The following BCL2L13 variants were observed in gnomAD, a reference collection of about 807,000 sequenced individuals.
The protein encoded by BCL2L13 is BCL2 like 13, also known as bcl-2-like protein 13.
BCL2L13 carries 13 observed loss-of-function variants against 25.8 expected under a neutral mutation model. That is an observed-to-expected ratio of 0.50 (90% CI 0.33 to 0.80). The LOEUF is 0.80. Ranked by LOEUF, BCL2L13 falls within the 30% of genes least tolerant of loss-of-function variation. The pLI, the probability that BCL2L13 is intolerant of heterozygous loss-of-function variation, is 0.02. For synonymous variants in BCL2L13, 244 were observed against 230.3 expected, an observed-to-expected ratio of 1.06 and a Z score of -0.54; for missense variants, 504 against 574.9, an observed-to-expected ratio of 0.88 and a Z score of 1.26.
intron 1 of BCL2L13, among the ~76,000 whole-genome samples, chr22:17,652,363 T>G (rs112476200): frequency 5.9e-5 from 9 of 152,300 alleles, no homozygotes; most frequent in African/African-American, 2.2e-4. Context: ...TTAAGTGTGC[T>G]TAAAACACAT....
chr22:17,647,793 A>G (rs2058544509), intron 1 of BCL2L13, among the ~76,000 whole-genome samples: 1 of 152,202 alleles, frequency 6.6e-6, no homozygotes, highest in Admixed American at 6.5e-5. Flanking sequence ...CTTTAGAAAC[A>G]GATGTCACGA....
intron 6 of BCL2L13, among the ~76,000 whole-genome samples, chr22:17,725,161 T>A (rs2535686): frequency 1.3e-5 from 2 of 152,100 alleles, no homozygotes; most frequent in African/African-American, 4.8e-5. Context: ...CTCCATTCTG[T>A]CTCTGCCATC....
At chr22:17,712,419 G>A (rs1245547297) in intron 6 of BCL2L13, among the ~76,000 whole-genome samples, 1 of 152,168 alleles carries the variant, frequency 6.6e-6, no homozygotes, top group South Asian at 2.1e-4. Flanking sequence ...TTTTGAAAGA[G>A]CAAATAAATA....
In BCL2L13 at chr22:17,726,909, A is replaced by G. The variant is rs904495749; in HGVS notation, c.833A>G (p.Gln278Arg). 6.2e-7 allele frequency: 1 copy of G among 1,614,208 alleles called. No homozygotes were observed. Among genetic ancestry groups the G allele is most frequent in the Non-Finnish European group, 8.5e-7 (1 of 1,180,034 alleles). The part of the protein sequence containing the change: ...PVSLGPESWQ[Q>R]IAMDPEEVKS... ...TCACTAGGCCCTGAGTCCTGGCAGCAGATTGCAATGGATCCTGAAGAAGTG... is the reference window on the plus strand; with the variant it reads ...TCACTAGGCCCTGAGTCCTGGCAGCGGATTGCAATGGATCCTGAAGAAGTG... Residue 278 changes from glutamine to arginine, a missense_variant, in exon 7 of 7, where the codon CAG (glutamine) becomes CGG (arginine). Gln to Arg is a conservative substitution (Grantham distance 43, BLOSUM62 1). Transcript: ENST00000317582.
rs186488412 is a variant in BCL2L13 at position 17,723,983 on chromosome 22, G to C, written c.601-2694G>C. On this transcript the variant is annotated intron_variant, in intron 6 of 6. Transcript: ENST00000317582. ...ACAAACTATACCTCATTTTAAAAAT[G>C]AACTCAAGTCCAGGTGTGGTGGCTC... Among the ~76,000 whole-genome samples, 170 of 151,870 alleles carry C rather than the reference G, an allele frequency of 1.1e-3. 1 individual carries two copies. The highest frequency in any genetic ancestry group is 6.9e-3 in the South Asian group (33 of 4,808).
chr22:17,637,406 CA>C (rs561992615), upstream of BCL2L13, among the ~76,000 whole-genome samples: 800 of 98,014 alleles, frequency 8.2e-3, 1 homozygote, highest in African/African-American at 0.016. Flanking sequence ...GACTCTGCCT[CA>C]AAAAAAAAAA....
In BCL2L13 at chr22:17,669,150, A is replaced by G. The variant is rs536838137; in HGVS notation, c.121+13318A>G. 3.4e-5 allele frequency among the ~76,000 whole-genome samples: 5 copies of G among 148,508 alleles called. No homozygotes were observed. In the South Asian group the frequency reaches 1.1e-3, roughly 31 times the overall value. ...CAGGTTCACGCCTTTCTCCTGCCTC[A>G]GCCTCCTGAGTAGCTGGGACTACAG... On this transcript the variant is annotated intron_variant, in intron 2 of 6. Coordinates refer to ENST00000317582, the MANE Select transcript of BCL2L13 (RefSeq NM_015367.4).
At position 17,712,838 on chromosome 22, in the gene BCL2L13, G is replaced by A. The variant is rs112747593; in HGVS notation, c.600+10452G>A. Among the ~76,000 whole-genome samples the A allele has an allele frequency of 4.2e-3, 642 of 152,238 alleles. 7 individuals carry two copies. Among genetic ancestry groups the A allele is most frequent in the African/African-American group, 0.015 (616 of 41,538 alleles). ...GCTATTTTAATTCATGTTGCCTACTGTCATTCTTTGTTATGGTGACTTACC... is the reference window on the plus strand; with the variant it reads ...GCTATTTTAATTCATGTTGCCTACTATCATTCTTTGTTATGGTGACTTACC... On this transcript the variant is annotated intron_variant, in intron 6 of 6. Coordinates refer to ENST00000317582, the MANE Select transcript of BCL2L13 (RefSeq NM_015367.4).
intron 6 of BCL2L13, among the ~76,000 whole-genome samples, chr22:17,715,690 C>G (rs2060927925): frequency 6.6e-6 from 1 of 152,030 alleles, no homozygotes; most frequent in African/African-American, 2.4e-5. Flanking sequence ...ACAGATAAAT[C>G]CTATGAGTTT....
chr22:17,637,763 C>G (rs139504598), upstream of BCL2L13, among the ~76,000 whole-genome samples: 1,501 of 152,246 alleles, frequency 9.9e-3, 32 homozygotes, highest in African/African-American at 0.033. Context: ...TCCTCAGTCA[C>G]TCGGGCTTAA....
intron 2 of BCL2L13, among the ~76,000 whole-genome samples, chr22:17,670,457 C>T (rs2059381610): frequency 6.6e-6 from 1 of 150,666 alleles, no homozygotes; most frequent in African/African-American, 2.4e-5. Context: ...TCACCGCAAC[C>T]TCTGCCTCCC....
At chr22:17,717,799 G>A (rs1259150027) in intron 6 of BCL2L13, among the ~76,000 whole-genome samples, 3 of 151,962 alleles carry the variant, frequency 2.0e-5, no homozygotes, top group East Asian at 3.9e-4. Context: ...GAAAGACAAC[G>A]ATTGAGGCCA....
chr22:17,631,706 A>ATT (rs71201849), intron 1 of BCL2L13, among the ~76,000 whole-genome samples: 13 of 10,928 alleles, frequency 1.2e-3, no homozygotes, highest in South Asian at 5.6e-3. Flanking sequence ...ATATATATAT[A>ATT]TTTTTTTTTT....
At chr22:17,683,781 ATAGT>A (rs1025638137) in intron 3 of BCL2L13, among the ~76,000 whole-genome samples, 1 of 151,774 alleles carries the variant, frequency 6.6e-6, no homozygotes, top group African/African-American at 2.4e-5. Flanking sequence ...AACTTTAAAA[ATAGT>A]TACTCTACTA....
chr22:17,715,122 TTATATATATATATATATATATATATA>T (rs1371492072), intron 6 of BCL2L13, among the ~76,000 whole-genome samples: 2,556 of 52,964 alleles, frequency 0.048, 250 homozygotes, highest in East Asian at 0.1. Flanking sequence ...AGTGTTAATT[TTATATATATATATATATATATATATA>T]TATATATATA....
chr22:17,643,903 G>T (rs12165346), intron 1 of BCL2L13, among the ~76,000 whole-genome samples: 1 of 145,554 alleles, frequency 6.9e-6, no homozygotes, highest in African/African-American at 2.7e-5. Context: ...GTGAGCCACG[G>T]CGCCCGGCCA....
chr22:17,726,669 G>C lies in BCL2L13; in HGVS notation c.601-8G>C. On this transcript the variant is annotated splice_polypyrimidine_tract_variant and splice_region_variant and intron_variant, in intron 6 of 6. Transcript: ENST00000317582. ...TCTTTATTATTGACGCTTGTCCTTC[G>C]TTTCTAGGGCACTGTGTTTAGTCTT... 1 of 1,599,804 alleles carries C rather than the reference G, an allele frequency of 6.3e-7. No homozygotes were observed. The highest frequency in any genetic ancestry group is 8.5e-7 in the Non-Finnish European group (1 of 1,169,898).
intron 3 of BCL2L13, among the ~76,000 whole-genome samples, chr22:17,685,760 C>CTTCTTTTTT (rs2059911554): frequency 1.7e-5 from 1 of 60,520 alleles, no homozygotes; most frequent in Non-Finnish European, 3.0e-5. Flanking sequence ...TTTTCTTTTT[C>CTTCTTTTTT]TTTTTTTTTT....
chr22:17,655,900 A>T, intron 2 of BCL2L13, 68 bp downstream of exon 2: 1 of 1,416,026 alleles, frequency 7.1e-7, no homozygotes, highest in South Asian at 1.4e-5. Flanking sequence ...AAGTATATGT[A>T]TCTAATTTAT....
Sources: gnomAD v4.1 joint callset for allele counts (sites outside exome capture counted in the v4.1 genomes callset) on GRCh38, gnomAD v4.1.1 for gene constraint, MANE v1.5 for transcripts, NCBI Gene and HGNC (gene_info 2026-07-23, HGNC 2026-07-21) for gene names.